The following FOXJ3 variants were observed in gnomAD, a reference collection of about 807,000 sequenced individuals.
The protein encoded by FOXJ3 is forkhead box protein J3.
FOXJ3 carries 22 observed loss-of-function variants against 76.1 expected under a neutral mutation model. That is an observed-to-expected ratio of 0.29 (90% CI 0.21 to 0.41). The LOEUF is 0.41. Ranked by LOEUF, FOXJ3 falls within the 10% of genes least tolerant of loss-of-function variation. The probability of loss-of-function intolerance (pLI) is 1.00; values close to 1 mark genes in which losing one functional copy is unlikely to be tolerated. For missense variants in FOXJ3, 613 were observed against 762.1 expected, an observed-to-expected ratio of 0.80 and a Z score of 2.30; for synonymous variants, 269 against 261.2, an observed-to-expected ratio of 1.03 and a Z score of -0.29.
intron 4 of FOXJ3, among the ~76,000 whole-genome samples, chr1:42,261,860 G>A (rs1471937269): frequency 6.6e-6 from 1 of 152,152 alleles, no homozygotes; most frequent in African/African-American, 2.4e-5. Flanking sequence ...AGGAAACACT[G>A]TAATACAAAA....
intron 2 of FOXJ3, 127 bp from the exon 3 acceptor site, chr1:42,278,799 T>C (rs767341892): frequency 6.5e-5 from 43 of 664,316 alleles, no homozygotes; most frequent in South Asian, 1.5e-4. Context: ...AGGAAAAAGA[T>C]TGAGTATGTT....
At chr1:42,315,878 AAT>A (rs1276069820) in intron 1 of FOXJ3, among the ~76,000 whole-genome samples, 4 of 152,252 alleles carry the variant, frequency 2.6e-5, no homozygotes, top group Non-Finnish European at 5.9e-5. Flanking sequence ...TTTGAAAACT[AAT>A]ATGTATCAAG....
intron 11 of FOXJ3, among the ~76,000 whole-genome samples, chr1:42,184,657 A>G (rs1646398221): frequency 2.0e-5 from 3 of 152,128 alleles, no homozygotes; most frequent in Admixed American, 2.0e-4. Context: ...GTAGGGGCAA[A>G]CAAAGTAAAT....
chr1:42,238,069 T>A (rs919200729), intron 4 of FOXJ3, among the ~76,000 whole-genome samples: 1 of 152,212 alleles, frequency 6.6e-6, no homozygotes, highest in African/African-American at 2.4e-5. Context: ...AGTCTCACTC[T>A]GTCACCCAGG....
At chr1:42,234,305 T>A (rs1053167470) in intron 4 of FOXJ3, among the ~76,000 whole-genome samples, 2 of 151,994 alleles carry the variant, frequency 1.3e-5, no homozygotes, top group Admixed American at 6.5e-5. Context: ...TTTGTTTAAT[T>A]TTTTTTTCAA....
At position 42,308,774 on chromosome 1, in the gene FOXJ3, G is replaced by T. The variant is rs114768378; in HGVS notation, c.44+2276C>A. On this transcript the variant is annotated intron_variant, in intron 2 of 12. Transcript: ENST00000361346. ...ATGAGTAAATTATAACATAACTTACGTTACCTCTTCTCTTTCATCAAACAA... is the reference window on the plus strand; with the variant it reads ...ATGAGTAAATTATAACATAACTTACTTTACCTCTTCTCTTTCATCAAACAA... 4.6e-3 allele frequency among the ~76,000 whole-genome samples: 698 copies of T among 152,016 alleles called. 6 individuals are homozygous for T. Among genetic ancestry groups the T allele is most frequent in the African/African-American group, 0.016 (664 of 41,448 alleles).
At chr1:42,295,398 A>T (rs746643159) in intron 2 of FOXJ3, among the ~76,000 whole-genome samples, 1 of 152,054 alleles carries the variant, frequency 6.6e-6, no homozygotes, top group African/African-American at 2.4e-5. Context: ...ATTCTTTTCT[A>T]TGCTGCATAG....
intron 4 of FOXJ3, among the ~76,000 whole-genome samples, chr1:42,258,820 T>C (rs1249091284): frequency 6.6e-6 from 1 of 152,174 alleles, no homozygotes; most frequent in Non-Finnish European, 1.5e-5. Flanking sequence ...AACTTTAAGT[T>C]AGAGATAAAG....
intron 1 of FOXJ3, among the ~76,000 whole-genome samples, chr1:42,311,650 A>AAGTAGTAGTAGT (rs142219815): frequency 0.41 from 60,820 of 149,366 alleles, 14,162 homozygotes; most frequent in Non-Finnish European, 0.52. Flanking sequence ...TTTAAAAAAA[A>AAGTAGTAGTAGT]AGTAGTAGTA....
At position 42,191,623 on chromosome 1, in the gene FOXJ3, C is replaced by A; in HGVS notation, c.1031G>T (p.Ser344Ile). Residue 344 changes from serine to isoleucine, a missense_variant, in exon 9 of 13, where the codon AGC (serine) becomes ATC (isoleucine). By Grantham distance (142) the Ser-to-Ile change is moderately radical (BLOSUM62 -2). Around this residue, in one of 3 missense-constraint regions of FOXJ3, gnomAD observed 526 missense variants for 601.4 expected, o/e 0.87. Transcript: ENST00000361346. ...ACTGTTGGACAGGCTGCTTTGGTTG[C>A]TGTGTGGGTGAGTGCTCACTGTACT... The part of the protein sequence containing the change: ...PSSTVSTHPH[S>I]NQSSLSNSHG... The A allele has an allele frequency of 6.2e-7, 1 of 1,614,078 alleles. No individual in the cohort carries two copies. The highest frequency in any genetic ancestry group is 8.5e-7 in the Non-Finnish European group (1 of 1,180,024).
intron 4 of FOXJ3, among the ~76,000 whole-genome samples, chr1:42,251,240 A>G (rs1336395734): frequency 1.3e-5 from 2 of 152,206 alleles, no homozygotes; most frequent in Non-Finnish European, 2.9e-5. Flanking sequence ...GAATAAAAAT[A>G]AGAATGACAG....
intron 2 of FOXJ3, among the ~76,000 whole-genome samples, chr1:42,298,193 A>C (rs1011940059): frequency 3.9e-5 from 6 of 152,194 alleles, no homozygotes; most frequent in African/African-American, 1.4e-4. Flanking sequence ...TTCTGCCATG[A>C]TTATAAGCTT....
intron 2 of FOXJ3, among the ~76,000 whole-genome samples, chr1:42,310,587 A>G (rs1654745814): frequency 6.6e-6 from 1 of 151,390 alleles, no homozygotes; most frequent in Admixed American, 6.6e-5. Context: ...AACTGGGATT[A>G]CAGGTGTGAG....
At chr1:42,219,020 T>C (rs940552319) in intron 5 of FOXJ3, among the ~76,000 whole-genome samples, 1 of 152,234 alleles carries the variant, frequency 6.6e-6, no homozygotes, top group African/African-American at 2.4e-5. Flanking sequence ...TTCTAAGTTA[T>C]AACATACAAC....
At chr1:42,310,742 G>A (rs544851134) in intron 2 of FOXJ3, among the ~76,000 whole-genome samples, 123 of 152,160 alleles carry the variant, frequency 8.1e-4, no homozygotes, top group Non-Finnish European at 1.3e-3. Flanking sequence ...GAGCCACCGC[G>A]CCCAGCCCAG....
chr1:42,187,177 A>T (rs1646454525), intron 11 of FOXJ3, among the ~76,000 whole-genome samples: 2 of 152,210 alleles, frequency 1.3e-5, no homozygotes, highest in Non-Finnish European at 2.9e-5. Flanking sequence ...ACTGACCCAC[A>T]TCATCTTCTA....
chr1:42,323,092 T>A (rs1655528952), intron 1 of FOXJ3, among the ~76,000 whole-genome samples: 1 of 152,192 alleles, frequency 6.6e-6, no homozygotes. Flanking sequence ...AAGTGTATAA[T>A]GACTGAAGAA....
intron 3 of FOXJ3, among the ~76,000 whole-genome samples, chr1:42,274,322 T>C (rs897612610): frequency 3.3e-5 from 5 of 152,246 alleles, no homozygotes; most frequent in African/African-American, 9.6e-5. Flanking sequence ...TCTGTTAGGA[T>C]AGACTCCTAT....
chr1:42,228,081 A>G, intron 4 of FOXJ3, 115 bp from the exon 5 acceptor site: 3 of 458,604 alleles, frequency 6.5e-6, no homozygotes, highest in Non-Finnish European at 3.9e-6. Context: ...ATGGAAAAAT[A>G]GCACAAGAAA....
Sources: gnomAD v4.1 joint callset for allele counts (sites outside exome capture counted in the v4.1 genomes callset) on GRCh38, gnomAD v4.1.1 for gene constraint, gnomAD v4.1.1 regional missense constraint, MANE v1.5 for transcripts, NCBI Gene and HGNC (gene_info 2026-07-23, HGNC 2026-07-21) for gene names.